The following LEMD3 variants were observed in gnomAD, a reference collection of about 807,000 sequenced individuals.
The protein encoded by LEMD3 is inner nuclear membrane protein Man1.
LEMD3 carries 33 observed loss-of-function variants against 95.2 expected under a neutral mutation model. That is an observed-to-expected ratio of 0.35 (90% CI 0.26 to 0.46). The LOEUF (loss-of-function observed/expected upper bound fraction) is 0.46. LEMD3 is among the 20% of genes least tolerant of loss of function. The probability of loss-of-function intolerance (pLI) is 1.00; values close to 1 mark genes in which losing one functional copy is unlikely to be tolerated. For missense variants in LEMD3, 1,210 were observed against 1,192.8 expected (o/e 1.01, Z -0.21); for synonymous variants, 525 against 474.6 (o/e 1.11, Z -1.38).
At chr12:65,174,685 C>G (rs1868661226) in intron 1 of LEMD3, among the ~76,000 whole-genome samples, 1 of 151,878 alleles carries the variant, frequency 6.6e-6, no homozygotes. Context: ...GATTTTCATT[C>G]AACAGCAGAG....
chr12:65,192,761 G>C (rs1869282975), intron 1 of LEMD3, among the ~76,000 whole-genome samples: 1 of 152,058 alleles, frequency 6.6e-6, no homozygotes, highest in Non-Finnish European at 1.5e-5. Context: ...CTTAAGTTGA[G>C]CACTTAATGT....
At chr12:65,222,047 A>T (rs1870308151) in intron 4 of LEMD3, among the ~76,000 whole-genome samples, 1 of 152,058 alleles carries the variant, frequency 6.6e-6, no homozygotes, top group Non-Finnish European at 1.5e-5. Context: ...CTGGCCAGGA[A>T]AATCTTTCAG....
In LEMD3 at chr12:65,170,477, TC is replaced by T. The variant is rs768525907; in HGVS notation, c.887del (p.Pro296ArgfsTer2). On this transcript the variant is annotated frameshift_variant, in exon 1 of 13. Transcript: ENST00000308330. LOFTEE classifies it high-confidence loss of function. Reference protein sequence around the residue: ...HRPRRTHSKPLPPLTAKSAGG... With the variant: ...HRPRRTHSKPXPPLTAKSAGG... ...CCCAGACGAACCCATAGTAAGCCTC[TC>T]CCCCCGCTGACTGCTAAATCGGCCG... 6.2e-7 allele frequency: 1 copy of T among 1,612,940 alleles called. No homozygotes were observed. The highest frequency in any genetic ancestry group is 8.5e-7 in the Non-Finnish European group (1 of 1,179,844).
intron 1 of LEMD3, among the ~76,000 whole-genome samples, chr12:65,181,452 T>G (rs1241233455): frequency 6.6e-6 from 1 of 152,154 alleles, no homozygotes; most frequent in Non-Finnish European, 1.5e-5. Flanking sequence ...CATTCTCTTC[T>G]TTTTCCTAAA....
intron 1 of LEMD3, among the ~76,000 whole-genome samples, chr12:65,201,001 T>A (rs1008055510): frequency 1.3e-5 from 2 of 152,186 alleles, no homozygotes; most frequent in Non-Finnish European, 2.9e-5. Flanking sequence ...GTGCCTAGAT[T>A]AATTTTTTTG....
intron 1 of LEMD3, among the ~76,000 whole-genome samples, chr12:65,179,026 G>A (rs961422906): frequency 1.3e-4 from 19 of 151,980 alleles, no homozygotes; most frequent in Admixed American, 5.9e-4. Flanking sequence ...GGGGGAGGGG[G>A]CATCTGCTAT....
chr12:65,173,325 A>G (rs1285359296), intron 1 of LEMD3, among the ~76,000 whole-genome samples: 1 of 152,214 alleles, frequency 6.6e-6, no homozygotes, highest in African/African-American at 2.4e-5. Context: ...GTGGTGTACT[A>G]AAAGTTCAGG....
chr12:65,194,119 A>G (rs185038836), intron 1 of LEMD3, among the ~76,000 whole-genome samples: 10 of 152,268 alleles, frequency 6.6e-5, no homozygotes, highest in African/African-American at 2.4e-4. Flanking sequence ...TTAAGAGTTT[A>G]AGTAATACAG....
At chr12:65,218,442 T>C in intron 3 of LEMD3, 110 bp from the exon 4 acceptor site, 1 of 584,158 alleles carries the variant, frequency 1.7e-6, no homozygotes, top group Admixed American at 3.2e-5. Flanking sequence ...CTGATTATAA[T>C]AATATAACCT....
chr12:65,243,493 A>AT (rs1565801147), intron 10 of LEMD3, 24 bp downstream of exon 10: 1 of 1,276,710 alleles, frequency 7.8e-7, no homozygotes, highest in Non-Finnish European at 1.1e-6. Flanking sequence ...TCAGGGGTAC[A>AT]TGTAACTCTT....
In LEMD3 at chr12:65,182,083, T is replaced by G. The variant is rs1407267526; in HGVS notation, c.1522+10965T>G. On this transcript the variant is annotated intron_variant, in intron 1 of 12. Transcript: ENST00000308330. ...AAGATAGAGGGAATAAGGTTACAAGTGATTTGTCCAAGGTCCCACAGCTAC... is the reference window on the plus strand; with the variant it reads ...AAGATAGAGGGAATAAGGTTACAAGGGATTTGTCCAAGGTCCCACAGCTAC... 2.6e-5 allele frequency among the ~76,000 whole-genome samples: 4 copies of G among 152,238 alleles called. No homozygotes were observed. The East Asian group carries it at 7.7e-4, about 29-fold the overall frequency.
intron 4 of LEMD3, among the ~76,000 whole-genome samples, chr12:65,227,259 A>G (rs1050144278): frequency 6.6e-6 from 1 of 152,156 alleles, no homozygotes; most frequent in Non-Finnish European, 1.5e-5. Flanking sequence ...TAGTAGTAGG[A>G]CTATCTTATC....
intron 4 of LEMD3, among the ~76,000 whole-genome samples, chr12:65,230,085 GC>G (rs774033138): frequency 6.6e-6 from 1 of 152,138 alleles, no homozygotes; most frequent in African/African-American, 2.4e-5. Context: ...AATGGTCTTT[GC>G]ACCTATGTCG....
chr12:65,171,777 T>G (rs1868558264), intron 1 of LEMD3: 1 of 154,656 alleles, frequency 6.5e-6, no homozygotes, highest in Non-Finnish European at 1.4e-5. Context: ...CAGGTCCTAC[T>G]ATTTACTTGC....
At chr12:65,240,611 A>G (rs568343152) in intron 8 of LEMD3, 2 of 419,822 alleles carry the variant, frequency 4.8e-6, no homozygotes, top group East Asian at 9.1e-5. Context: ...AGTAAAAACT[A>G]AAATGCAACT....
chr12:65,186,650 T>C (rs11175669), intron 1 of LEMD3, among the ~76,000 whole-genome samples: 6,571 of 147,022 alleles, frequency 0.045, 191 homozygotes, highest in Middle Eastern at 0.09. Context: ...TTTTTTTTTT[T>C]CGACACCTGT....
chr12:65,223,996 TCTA>T (rs1870373594), intron 4 of LEMD3, among the ~76,000 whole-genome samples: 1 of 152,108 alleles, frequency 6.6e-6, no homozygotes, highest in Non-Finnish European at 1.5e-5. Context: ...ATGGAAAGTG[TCTA>T]CTTTTTTATA....
In LEMD3 at chr12:65,216,000, G is replaced by A; in HGVS notation, c.1584G>A (p.Met528Ile). The change falls in exon 3 of 13, where the codon ATG becomes ATA. Residue 528 changes from methionine (M) to isoleucine (I), a missense_variant. Met to Ile is a conservative substitution (Grantham distance 10). Transcript: ENST00000308330. ...AGGAAAGTGAAAAAACTCTTATGAT[G>A]AACACATTATATAAGCTTCATGATC... Reference protein sequence around the residue: ...KIQESEKTLMMNTLYKLHDRL... With the variant: ...KIQESEKTLMINTLYKLHDRL... 6.4e-7 allele frequency: 1 copy of A among 1,566,406 alleles called. No individual in the cohort carries two copies. The highest frequency in any genetic ancestry group is 1.7e-5 in the Admixed American group (1 of 57,832).
intron 1 of LEMD3, among the ~76,000 whole-genome samples, chr12:65,189,495 T>C (rs1054894222): frequency 2.0e-5 from 3 of 152,186 alleles, no homozygotes; most frequent in African/African-American, 4.8e-5. Context: ...GAGTGGCCCA[T>C]TCATCAGCAG....
Sources: gnomAD v4.1 joint callset for allele counts (sites outside exome capture counted in the v4.1 genomes callset) on GRCh38, gnomAD v4.1.1 for gene constraint, MANE v1.5 for transcripts, NCBI Gene and HGNC (gene_info 2026-07-23, HGNC 2026-07-21) for gene names.